Variants in DIXDC1 observed in about 807,000 individuals in gnomAD.
DIXDC1 encodes DIX domain containing 1, also known as dixin.
DIXDC1 carries 64 observed loss-of-function variants against 103.1 expected under a neutral mutation model. The ratio of observed to expected loss-of-function variants is 0.62; its 90% CI spans 0.51 to 0.76. DIXDC1 has a LOEUF of 0.76. DIXDC1 is among the 30% of genes least tolerant of loss of function. The pLI is 0.00. For synonymous variants in DIXDC1, 266 were observed against 298.5 expected, an observed-to-expected ratio of 0.89 and a Z score of 1.12; for missense variants, 759 against 834.2, an observed-to-expected ratio of 0.91 and a Z score of 1.11.
At chr11:111,971,314 T>C (rs149484895) in intron 3 of DIXDC1, among the ~76,000 whole-genome samples, 338 of 152,310 alleles carry the variant, frequency 2.2e-3, no homozygotes, top group African/African-American at 7.6e-3. Context: ...GCAAAGGACA[T>C]GTACAGATAC....
In DIXDC1 at chr11:111,977,132, A is replaced by C. The variant is rs1860125643; in HGVS notation, c.656+2149A>C. On this transcript the variant is annotated intron_variant, in intron 5 of 19. Transcript: ENST00000440460. This position sits in a 1 kb window ranked among gnomAD's most constrained non-coding sequence, Gnocchi z 6.1. Reference sequence around the variant, plus strand: ...CCAATCTCCTCTCCTCGCATCCCCCAACCCCTCGTCGACGTCCCCACCCCC... The same window carrying C: ...CCAATCTCCTCTCCTCGCATCCCCCCACCCCTCGTCGACGTCCCCACCCCC... 4 of 366,208 alleles carry C rather than the reference A, an allele frequency of 1.1e-5. No homozygotes were observed. Among genetic ancestry groups the C allele is most frequent in the African/African-American group, 2.2e-5 (1 of 45,130 alleles). The allele number at this position is 366,208 out of a possible 1,614,324, so 22.7% of individuals were successfully genotyped here.
At chr11:112,002,411 A>G (rs1389813733) in intron 17 of DIXDC1, among the ~76,000 whole-genome samples, 1 of 152,258 alleles carries the variant, frequency 6.6e-6, no homozygotes, top group African/African-American at 2.4e-5. Flanking sequence ...TGATCCAGCA[A>G]TTCCACTGCT....
chr11:111,960,056 T>C (rs1318988680), intron 1 of DIXDC1, among the ~76,000 whole-genome samples: 5 of 151,738 alleles, frequency 3.3e-5, no homozygotes, highest in East Asian at 4.0e-4. Flanking sequence ...ATTACAAGTG[T>C]ACACCACCAC....
intron 2 of DIXDC1, among the ~76,000 whole-genome samples, chr11:111,965,253 A>AT (rs1555171398): frequency 6.6e-6 from 1 of 152,092 alleles, no homozygotes; most frequent in African/African-American, 2.4e-5. Context: ...CCATAACCTT[A>AT]TTTCCATAGC....
intron 17 of DIXDC1, among the ~76,000 whole-genome samples, chr11:112,014,813 C>T (rs1353913797): frequency 1.3e-5 from 2 of 151,736 alleles, no homozygotes; most frequent in African/African-American, 4.8e-5. Context: ...ATTCAACAAC[C>T]ACTGTGTGCT....
In DIXDC1 at chr11:111,977,574, G is replaced by A. The variant is rs1172852929; in HGVS notation, c.656+2591G>A. 2.0e-6 allele frequency: 3 copies of A among 1,495,724 alleles called. No homozygotes were observed. The highest frequency in any genetic ancestry group is 2.7e-6 in the Non-Finnish European group (3 of 1,121,684). The allele number at this position is 1,495,724 out of a possible 1,614,324, so 92.7% of individuals were successfully genotyped here. A position where few individuals can be genotyped will look rare whatever the true frequency, so the allele number is the denominator to read the frequency against. On this transcript the variant is annotated intron_variant, in intron 5 of 19. Coordinates refer to ENST00000440460, the MANE Select transcript of DIXDC1 (RefSeq NM_001037954.4). This position sits in a 1 kb window ranked among gnomAD's most constrained non-coding sequence, Gnocchi z 6.1. ...AGCCTGGAGCATCCCAGTCGCTGGG[G>A]CCGAGACGCCGCCGCCGCCGCCGTT...
At chr11:111,942,724 CT>C (rs1438001688) in intron 1 of DIXDC1, among the ~76,000 whole-genome samples, 4 of 152,278 alleles carry the variant, frequency 2.6e-5, no homozygotes, top group African/African-American at 9.6e-5. Flanking sequence ...TTCAGAAAAT[CT>C]TTAGCTCTTT....
intron 2 of DIXDC1, among the ~76,000 whole-genome samples, chr11:111,932,027 C>CTTTTTTTT (rs59805759): frequency 2.0e-5 from 2 of 99,136 alleles, no homozygotes; most frequent in South Asian, 3.4e-4. Context: ...GGCAGATAAC[C>CTTTTTTTT]TTTTTTTTTT....
At chr11:111,938,844 C>G (rs1338548296) in intron 1 of DIXDC1, among the ~76,000 whole-genome samples, 1 of 152,236 alleles carries the variant, frequency 6.6e-6, no homozygotes, top group Non-Finnish European at 1.5e-5. Flanking sequence ...GGTGTCACAA[C>G]CTTCACTGAA....
At position 112,021,176 on chromosome 11, in the gene DIXDC1, T is replaced by C. The variant is rs1315760491; in HGVS notation, c.*2140T>C. 1.3e-5 allele frequency: 2 copies of C among 152,258 alleles called. No individual in the cohort carries two copies. The highest frequency in any genetic ancestry group is 2.9e-5 in the Non-Finnish European group (2 of 68,046). The allele number at this position is 152,258 out of a possible 1,614,324, so 9.4% of individuals were successfully genotyped here. A position where few individuals can be genotyped will look rare whatever the true frequency, so the allele number is the denominator to read the frequency against. On this transcript the variant is annotated 3_prime_UTR_variant, in exon 20 of 20. Transcript: ENST00000440460. ...AAAGTCCTCTACCTTATTTGGCTTT[T>C]ATCTGTGTCTTTTGGAAAAGGAGCT...
intron 14 of DIXDC1, 120 bp from the exon 15 acceptor site, chr11:111,994,899 C>A: frequency 2.2e-6 from 2 of 926,730 alleles, no homozygotes; most frequent in South Asian, 1.7e-5. Flanking sequence ...TAAAGAGAGC[C>A]ATTAAACAGA....
chr11:111,992,837 C>T (rs1417572685), intron 11 of DIXDC1, 114 bp from the exon 12 acceptor site: 4 of 1,039,994 alleles, frequency 3.8e-6, no homozygotes, highest in Middle Eastern at 4.1e-4. Context: ...ACCATCATAC[C>T]CTCTCTGTGC....
upstream of DIXDC1, among the ~76,000 whole-genome samples, chr11:111,935,273 A>AGCCTTG (rs1231837319): frequency 6.6e-6 from 1 of 152,198 alleles, no homozygotes; most frequent in African/African-American, 2.4e-5. Context: ...CACCTCTCCT[A>AGCCTTG]GCCTTGGTTG....
chr11:111,978,781 G>C (rs912798420), intron 5 of DIXDC1, among the ~76,000 whole-genome samples: 2 of 152,230 alleles, frequency 1.3e-5, no homozygotes, highest in Admixed American at 6.5e-5. Context: ...AGATGAGAAA[G>C]TGTTTTCTTG....
chr11:112,003,645 A>G (rs1861136657), intron 17 of DIXDC1, among the ~76,000 whole-genome samples: 1 of 151,838 alleles, frequency 6.6e-6, no homozygotes, highest in African/African-American at 2.4e-5. Flanking sequence ...CTAAAAGTAC[A>G]AAAATTAGCC....
At chr11:111,980,217 C>T (rs587609350) in intron 5 of DIXDC1, among the ~76,000 whole-genome samples, 3 of 152,314 alleles carry the variant, frequency 2.0e-5, no homozygotes, top group South Asian at 4.1e-4. Context: ...GAACCACCCC[C>T]ACCCTGTACT....
rs1425590335 is a variant in DIXDC1 at position 111,976,877 on chromosome 11, G to C, written c.656+1894G>C. On this transcript the variant is annotated intron_variant, in intron 5 of 19. Coordinates refer to ENST00000440460, the MANE Select transcript of DIXDC1 (RefSeq NM_001037954.4). This position sits in a 1 kb window ranked among gnomAD's most constrained non-coding sequence, Gnocchi z 4.3. ...GAAACGCCAGAGGGGAAGGTGGGAG[G>C]GGATAGGTGCTCGGCGAATTTTCCT... 2 of 152,668 alleles carry C rather than the reference G, an allele frequency of 1.3e-5. No homozygotes were observed. Among genetic ancestry groups the C allele is most frequent in the Non-Finnish European group, 2.9e-5 (2 of 68,206 alleles). 9.5% of individuals were successfully genotyped at this position (152,668 alleles called of 1,614,324 possible). A position where few individuals can be genotyped will look rare whatever the true frequency, so the allele number is the denominator to read the frequency against.
intron 17 of DIXDC1, among the ~76,000 whole-genome samples, chr11:112,004,322 A>G (rs1861168397): frequency 6.6e-6 from 1 of 152,138 alleles, no homozygotes; most frequent in Non-Finnish European, 1.5e-5. Context: ...CCACATCCAG[A>G]CCATTCTCGC....
At chr11:111,932,329 C>T (rs587690792) in intron 2 of DIXDC1, among the ~76,000 whole-genome samples, 9 of 151,854 alleles carry the variant, frequency 5.9e-5, no homozygotes, top group East Asian at 1.9e-4. Flanking sequence ...TGAGCCACCA[C>T]GCCTGGCCAC....
Sources: allele counts gnomAD v4.1 joint callset (sites outside exome capture counted in the v4.1 genomes callset), GRCh38; gene constraint gnomAD v4.1.1; non-coding constraint Gnocchi (gnomAD v3.1); transcripts MANE v1.5; gene names NCBI Gene and HGNC (gene_info 2026-07-23, HGNC 2026-07-21).